TAFA1: variants seen among roughly 807,000 people sequenced by gnomAD.
TAFA1 encodes TAFA chemokine like family member 1, also known as chemokine-like protein TAFA-1.
A neutral mutation model predicts 18.5 loss-of-function variants in TAFA1; 4 were observed. That is an observed-to-expected ratio of 0.22 (90% CI 0.11 to 0.49). The LOEUF is 0.49. Among genes scored for constraint, TAFA1 ranks in the 20% least tolerant of loss-of-function variants. The probability of loss-of-function intolerance (pLI) is 0.98; values close to 1 mark genes in which losing one functional copy is unlikely to be tolerated. For synonymous variants in TAFA1, 56 were observed against 55.2 expected, an observed-to-expected ratio of 1.01 and a Z score of -0.06; for missense variants, 147 against 169.0, an observed-to-expected ratio of 0.87 and a Z score of 0.72.
At chr3:68,118,634 T>C (rs1345863313) in intron 2 of TAFA1, among the ~76,000 whole-genome samples, 2 of 152,220 alleles carry the variant, frequency 1.3e-5, no homozygotes, top group Non-Finnish European at 2.9e-5. Flanking sequence ...TATTTGTCTT[T>C]TTTGTGACTG....
chr3:68,527,213 A>G (rs1206388601), intron 3 of TAFA1, among the ~76,000 whole-genome samples: 1 of 152,200 alleles, frequency 6.6e-6, no homozygotes, highest in Non-Finnish European at 1.5e-5. Context: ...CCACAGATTA[A>G]AAGTATAGAA....
chr3:68,378,392 C>T (rs187938244), intron 2 of TAFA1, among the ~76,000 whole-genome samples: 17 of 152,244 alleles, frequency 1.1e-4, no homozygotes, highest in Admixed American at 7.9e-4. Context: ...TTTGTTTTGG[C>T]GAATTCCTCC....
chr3:68,482,695 C>T (rs920097350), intron 3 of TAFA1, among the ~76,000 whole-genome samples: 2 of 152,148 alleles, frequency 1.3e-5, no homozygotes, highest in African/African-American at 4.8e-5. Context: ...ATGGACTTCA[C>T]CCAGCAGGCT....
chr3:68,223,503 C>T (rs548608220), intron 2 of TAFA1, among the ~76,000 whole-genome samples: 59 of 150,916 alleles, frequency 3.9e-4, no homozygotes, highest in Non-Finnish European at 6.9e-4. Context: ...TATGTGTCTA[C>T]GCCTGTATGT....
intron 2 of TAFA1, among the ~76,000 whole-genome samples, chr3:68,201,156 A>G (rs1478739821): frequency 6.6e-6 from 1 of 151,628 alleles, no homozygotes; most frequent in Non-Finnish European, 1.5e-5. Flanking sequence ...TTAGGAATGT[A>G]TTGTTTAATC....
intron 2 of TAFA1, among the ~76,000 whole-genome samples, chr3:68,218,645 G>A (rs909236441): frequency 6.6e-6 from 1 of 152,132 alleles, no homozygotes; most frequent in African/African-American, 2.4e-5. Context: ...GAAAGGTAGA[G>A]CTTCTTCTCT....
At chr3:68,220,017 C>A (rs1459110994) in intron 2 of TAFA1, among the ~76,000 whole-genome samples, 1 of 152,144 alleles carries the variant, frequency 6.6e-6, no homozygotes, top group Non-Finnish European at 1.5e-5. Context: ...CCTCTCCAAT[C>A]CTTTGAGGTT....
chr3:68,303,868 C>CA (rs1048380551), intron 2 of TAFA1, among the ~76,000 whole-genome samples: 14 of 150,588 alleles, frequency 9.3e-5, no homozygotes, highest in Middle Eastern at 3.2e-3. Context: ...TTTTCCTTAT[C>CA]AAAAAAAAAT....
chr3:68,322,680 T>C (rs990345641), intron 2 of TAFA1, among the ~76,000 whole-genome samples: 2 of 152,116 alleles, frequency 1.3e-5, no homozygotes, highest in African/African-American at 4.8e-5. Context: ...CGGGCGCTCA[T>C]GCCTGTAATC....
chr3:68,155,482 C>T (rs930011580), intron 2 of TAFA1, among the ~76,000 whole-genome samples: 4 of 152,132 alleles, frequency 2.6e-5, no homozygotes, highest in Non-Finnish European at 4.4e-5. Flanking sequence ...TCGCCTGCCC[C>T]GTTATTTCAG....
intron 2 of TAFA1, among the ~76,000 whole-genome samples, chr3:68,299,285 C>A (rs1444189091): frequency 6.6e-6 from 1 of 152,194 alleles, no homozygotes; most frequent in Non-Finnish European, 1.5e-5. Context: ...ACAGCCCTAG[C>A]TATGCTTTAG....
chr3:68,071,371 A>G (rs939282978), intron 2 of TAFA1, among the ~76,000 whole-genome samples: 2 of 152,144 alleles, frequency 1.3e-5, no homozygotes, highest in African/African-American at 4.8e-5. Context: ...TGATTCAACA[A>G]CCTCCCACCA....
chr3:68,363,564 C>T (rs2069513090), intron 2 of TAFA1, among the ~76,000 whole-genome samples: 2 of 152,082 alleles, frequency 1.3e-5, no homozygotes, highest in Admixed American at 1.3e-4. Context: ...GGTATCTTGC[C>T]CTATCCAGAG....
At chr3:68,446,826 C>T (rs1337967088) in intron 3 of TAFA1, among the ~76,000 whole-genome samples, 4 of 152,144 alleles carry the variant, frequency 2.6e-5, no homozygotes, top group South Asian at 2.1e-4. Context: ...GGCATAGAAC[C>T]AAATAATCTG....
chr3:68,483,186 C>T (rs536450620), intron 3 of TAFA1, among the ~76,000 whole-genome samples: 1 of 152,302 alleles, frequency 6.6e-6, no homozygotes, highest in Non-Finnish European at 1.5e-5. Flanking sequence ...ACACTGGAGA[C>T]AGAGAAGGCC....
chr3:68,370,351 T>TAC (rs1559637468), intron 2 of TAFA1, among the ~76,000 whole-genome samples: 13 of 44,456 alleles, frequency 2.9e-4, no homozygotes, highest in East Asian at 1.2e-3. Context: ...TATATATATA[T>TAC]ATACACACAC....
At chr3:67,996,377 G>T in the TAFA1 span, among the ~76,000 whole-genome samples, 654 of 152,326 alleles carry the variant, frequency 4.3e-3, 7 homozygotes, top group African/African-American at 0.015. Context: ...TTCAAGAAAG[G>T]AGTGATATGG....
chr3:68,347,399 C>A (rs1169337796), intron 2 of TAFA1, among the ~76,000 whole-genome samples: 1 of 152,218 alleles, frequency 6.6e-6, no homozygotes, highest in African/African-American at 2.4e-5. Flanking sequence ...GGAAACTTCA[C>A]TTTCCTCTCA....
chr3:68,380,332 G>T (rs1183976161), intron 2 of TAFA1, among the ~76,000 whole-genome samples: 1 of 152,132 alleles, frequency 6.6e-6, no homozygotes, highest in African/African-American at 2.4e-5. Flanking sequence ...AGATCCCTGA[G>T]GAATTGGCAC....
Sources: gnomAD v4.1 joint callset for allele counts (sites outside exome capture counted in the v4.1 genomes callset) on GRCh38, gnomAD v4.1.1 for gene constraint, MANE v1.5 for transcripts, NCBI Gene and HGNC (gene_info 2026-07-23, HGNC 2026-07-21) for gene names.